The following CTNND2 variants were observed in gnomAD, a reference collection of about 807,000 sequenced individuals.
CTNND2 encodes catenin delta-2.
A neutral mutation model predicts 144.4 loss-of-function variants in CTNND2; 22 were observed. The observed-to-expected ratio is 0.15, with a 90% CI of 0.11 to 0.22. The LOEUF (loss-of-function observed/expected upper bound fraction) is 0.22. Ranked by LOEUF, CTNND2 falls within the 10% of genes least tolerant of loss-of-function variation. The probability of loss-of-function intolerance (pLI) is 1.00; values close to 1 mark genes in which losing one functional copy is unlikely to be tolerated. For synonymous variants in CTNND2, 751 were observed against 695.6 expected (o/e 1.08, Z -1.25); for missense variants, 1,353 against 1,618.8 (o/e 0.84, Z 2.82).
intron 9 of CTNND2, among the ~76,000 whole-genome samples, chr5:11,246,100 G>A (rs142887917): frequency 2.6e-5 from 4 of 152,268 alleles, no homozygotes; most frequent in Admixed American, 1.3e-4. Flanking sequence ...TGGCCACTGC[G>A]TGTTTGTCCA....
chr5:11,783,740 T>C (rs895158728), intron 1 of CTNND2, among the ~76,000 whole-genome samples: 5 of 152,218 alleles, frequency 3.3e-5, no homozygotes, highest in African/African-American at 1.2e-4. Context: ...CCTCTTTCCC[T>C]GTGGAGGCAC....
intron 2 of CTNND2, among the ~76,000 whole-genome samples, chr5:11,717,413 C>A (rs1345211348): frequency 6.6e-6 from 1 of 150,632 alleles, no homozygotes; most frequent in Non-Finnish European, 1.5e-5. Context: ...ATTTCTACTG[C>A]AAATACAAAA....
chr5:11,159,601 G>A lies in CTNND2; in HGVS notation c.2134C>T (p.Leu712=). The A allele has an allele frequency of 6.2e-7, 1 of 1,612,612 alleles. No homozygotes were observed. Among genetic ancestry groups the A allele is most frequent in the East Asian group, 2.2e-5 (1 of 44,798 alleles). ...CTTAGGCACCCGGTGGCGTTACGCA[G>A]CACCTGTGATGAATGCAGCTGTATT... ...RKIQLHSSQV[L]RNATGCLRNV... The change falls in exon 12 of 22, where the codon CTG becomes TTG. Residue 712 remains leucine (L), a synonymous_variant. Coordinates refer to ENST00000304623, the MANE Select transcript of CTNND2 (RefSeq NM_001332.4).
chr5:11,798,229 T>C (rs1581901900), intron 1 of CTNND2, among the ~76,000 whole-genome samples: 1 of 144,488 alleles, frequency 6.9e-6, no homozygotes, highest in East Asian at 2.0e-4. Context: ...GCCACTGCAC[T>C]CCAGCCTGGG....
At chr5:11,435,819 C>T (rs1166104253) in intron 3 of CTNND2, among the ~76,000 whole-genome samples, 1 of 152,122 alleles carries the variant, frequency 6.6e-6, no homozygotes, top group South Asian at 2.1e-4. Flanking sequence ...TATCTGAAGG[C>T]TTTTTTACAG....
In CTNND2 at chr5:11,548,609, T is replaced by C. The variant is rs185603533; in HGVS notation, c.287+16335A>G. Among the ~76,000 whole-genome samples, 59 of 152,322 alleles carry C rather than the reference T, an allele frequency of 3.9e-4. 2 individuals carry two copies. In the East Asian group the frequency reaches 0.01, roughly 27 times the overall value. On this transcript the variant is annotated intron_variant, in intron 3 of 21. Transcript: ENST00000304623. ...TATTTGGAAGTATCTTATCATTGTG[T>C]CCAATTAACACCTCAGAGCTATATT...
At chr5:11,717,248 T>A (rs1436172852) in intron 2 of CTNND2, among the ~76,000 whole-genome samples, 2 of 152,060 alleles carry the variant, frequency 1.3e-5, no homozygotes, top group African/African-American at 4.8e-5. Context: ...TTCACCTTAC[T>A]CACTGTATTA....
At chr5:11,611,900 C>A (rs1780348076) in intron 2 of CTNND2, among the ~76,000 whole-genome samples, 1 of 152,220 alleles carries the variant, frequency 6.6e-6, no homozygotes, top group Non-Finnish European at 1.5e-5. Context: ...GTCTCTCTGA[C>A]AACCAGCTCC....
rs1793094631 is a variant in CTNND2 at position 11,817,997 on chromosome 5, T to TG, written c.38-85726_38-85725insC. On this transcript the variant is annotated intron_variant, in intron 1 of 21. Transcript: ENST00000304623. ...TTATGAGGTGTTTTTTTTTTTTTTT[T>TG]TTTTTTTCAGTTCTCCTCCATCCAA... Among the ~76,000 whole-genome samples the TG allele has an allele frequency of 3.8e-5, 3 of 79,664 alleles. No individual in the cohort carries two copies. In the Admixed American group the frequency reaches 4.7e-4, roughly 13 times the overall value. The allele number at this position is 79,664 out of a possible 152,430, so 52.3% of individuals were successfully genotyped here.
rs1377995344 is a variant in CTNND2, at chr5:11,236,950, GT to G, written c.1629-128del. 19 of 1,003,264 alleles carry G rather than the reference GT, an allele frequency of 1.9e-5. No individual in the cohort carries two copies. In the Admixed American group the frequency reaches 2.7e-4, roughly 14 times the overall value. The allele number at this position is 1,003,264 out of a possible 1,614,324, so 62.1% of individuals were successfully genotyped here. A position where few individuals can be genotyped will look rare whatever the true frequency, so the allele number is the denominator to read the frequency against. On this transcript the variant is annotated intron_variant, in intron 9 of 21. Coordinates refer to ENST00000304623, the MANE Select transcript of CTNND2 (RefSeq NM_001332.4). ...AAATATTTCATAAATGACTGTTCTG[GT>G]TTTCTTACATGCAGACCCATTTAAG...
At chr5:11,331,096 C>G (rs568159826) in intron 9 of CTNND2, among the ~76,000 whole-genome samples, 1 of 152,136 alleles carries the variant, frequency 6.6e-6, no homozygotes, top group African/African-American at 2.4e-5. Flanking sequence ...TCTTTAATGT[C>G]GAAAGCACTT....
chr5:11,796,150 C>G (rs372739276), intron 1 of CTNND2, among the ~76,000 whole-genome samples: 2 of 152,116 alleles, frequency 1.3e-5, no homozygotes, highest in African/African-American at 4.8e-5. Flanking sequence ...CTATGTGGCC[C>G]GAGAGGATGA....
intron 18 of CTNND2, among the ~76,000 whole-genome samples, chr5:11,012,107 C>T (rs1741155514): frequency 6.6e-6 from 1 of 152,164 alleles, no homozygotes; most frequent in Non-Finnish European, 1.5e-5. Flanking sequence ...GAATTAATGG[C>T]AGCAACTCCC....
chr5:11,110,386 A>G (rs1015853051), intron 14 of CTNND2, among the ~76,000 whole-genome samples: 3 of 152,162 alleles, frequency 2.0e-5, no homozygotes, highest in Non-Finnish European at 2.9e-5. Flanking sequence ...CCCATTTCCA[A>G]TGGAAAGTGT....
intron 16 of CTNND2, among the ~76,000 whole-genome samples, chr5:11,053,592 C>A (rs1007163037): frequency 6.6e-6 from 1 of 152,198 alleles, no homozygotes; most frequent in African/African-American, 2.4e-5. Flanking sequence ...GATACAAGCT[C>A]ATGGAAGATA....
rs1394383572 is a variant in CTNND2 at position 11,364,759 on chromosome 5, G to C, written c.1309C>G (p.Leu437Val). 2 of 1,613,854 alleles carry C rather than the reference G, an allele frequency of 1.2e-6. No individual in the cohort carries two copies. The highest frequency in any genetic ancestry group is 1.7e-6 in the Non-Finnish European group (2 of 1,179,970). Residue 437 changes from leucine (L) to valine (V), a missense_variant, in exon 8 of 22, where the codon CTC becomes GTC. By Grantham distance (32) the Leu-to-Val change is conservative (BLOSUM62 1). Transcript: ENST00000304623. Reference protein sequence around the residue: ...RVYQKPPMRSLSQSQGDPLPP... With the variant: ...RVYQKPPMRSVSQSQGDPLPP... ...AGAGGGTCCCCCTGGCTCTGGCTGA[G>C]ACTCCTCATAGGGGGCTTCTGATAG...
intron 1 of CTNND2, among the ~76,000 whole-genome samples, chr5:11,835,875 C>A (rs1561845040): frequency 2.6e-5 from 4 of 151,932 alleles, no homozygotes; most frequent in African/African-American, 4.8e-5. Context: ...TCCCTCTTTT[C>A]TTTTTTTTCC....
At chr5:10,991,644 A>G (rs1738693491) in intron 19 of CTNND2, among the ~76,000 whole-genome samples, 1 of 152,240 alleles carries the variant, frequency 6.6e-6, no homozygotes, top group Non-Finnish European at 1.5e-5. Flanking sequence ...TTACGAATAC[A>G]AGAAGTTCAA....
chr5:11,501,170 A>C (rs1199426849), intron 3 of CTNND2, among the ~76,000 whole-genome samples: 3 of 152,272 alleles, frequency 2.0e-5, no homozygotes, highest in African/African-American at 7.2e-5. Context: ...GGTTACAAAC[A>C]CAGCTAATGC....
Sources: allele counts gnomAD v4.1 joint callset (sites outside exome capture counted in the v4.1 genomes callset), GRCh38; gene constraint gnomAD v4.1.1; transcripts MANE v1.5; gene names NCBI Gene and HGNC (gene_info 2026-07-23, HGNC 2026-07-21).